Variants in MALRD1 observed in about 807,000 individuals in gnomAD.
MALRD1 encodes the protein MAM and LDL receptor class A domain containing 1, also known as MAM and LDL-receptor class A domain-containing protein 1.
In MALRD1, 247 loss-of-function variants were observed where a neutral mutation model predicts 242.1. The observed-to-expected ratio is 1.02, with a 90% CI of 0.92 to 1.13. MALRD1 has a LOEUF of 1.13. Among genes scored for constraint, MALRD1 ranks in the 50% most tolerant of loss-of-function variants. MALRD1 has a pLI of 0.00. For synonymous variants in MALRD1, 995 were observed against 866.6 expected, an observed-to-expected ratio of 1.15 and a Z score of -2.60; for missense variants, 2,989 against 2,533.1, an observed-to-expected ratio of 1.18 and a Z score of -3.86.
At chr10:19,521,076 A>G (rs1161290216) in intron 31 of MALRD1, among the ~76,000 whole-genome samples, 1 of 152,162 alleles carries the variant, frequency 6.6e-6, no homozygotes, top group Non-Finnish European at 1.5e-5. Context: ...AGTGAAAAAC[A>G]TGTGAATGAA....
chr10:19,622,401 A>G (rs1164786987), intron 36 of MALRD1, among the ~76,000 whole-genome samples: 2 of 151,740 alleles, frequency 1.3e-5, no homozygotes, highest in African/African-American at 4.8e-5. Context: ...AAATATTAGA[A>G]ATACATTTAA....
intron 11 of MALRD1, among the ~76,000 whole-genome samples, chr10:19,149,667 T>A (rs1833868182): frequency 6.6e-6 from 1 of 152,202 alleles, no homozygotes; most frequent in Non-Finnish European, 1.5e-5. Flanking sequence ...AAATACTATC[T>A]ATTTTTTTCA....
At chr10:19,149,470 T>C (rs117436017) in intron 11 of MALRD1, among the ~76,000 whole-genome samples, 1 of 152,168 alleles carries the variant, frequency 6.6e-6, no homozygotes, top group Non-Finnish European at 1.5e-5. Context: ...AGGCAACTCA[T>C]GTTAATTATG....
intron 33 of MALRD1, among the ~76,000 whole-genome samples, chr10:19,586,415 C>A (rs1016444015): frequency 2.0e-5 from 3 of 152,082 alleles, no homozygotes; most frequent in African/African-American, 7.2e-5. Flanking sequence ...GTGTGGATGT[C>A]CTTTCTGTTT....
intron 32 of MALRD1, among the ~76,000 whole-genome samples, chr10:19,559,855 A>G (rs1214608481): frequency 6.6e-6 from 1 of 152,206 alleles, no homozygotes; most frequent in African/African-American, 2.4e-5. Flanking sequence ...TTCTGAAAAG[A>G]AGACATTTAT....
chr10:19,610,048 A>G (rs1331963546), intron 35 of MALRD1, among the ~76,000 whole-genome samples: 2 of 152,002 alleles, frequency 1.3e-5, no homozygotes, highest in South Asian at 2.1e-4. Context: ...GGCAAGTACT[A>G]TGGAGCTACT....
Position 19,136,607 on chromosome 10 carries a change from A to C in MALRD1, c.1237A>C (p.Ser413Arg). ...IFEGTLLSQR[S>R]FIALDHLWVY... The stretch of plus-strand genomic sequence containing the variant: ...TGAAGGGACTCTTTTGAGCCAGAGA[A>C]GTTTTATTGCCCTTGATCACCTCTG... Residue 413 changes from serine to arginine, a missense_variant, in exon 10 of 40, where the codon AGT becomes CGT. Transcript: ENST00000454679. 1 of 1,231,644 alleles carries C rather than the reference A, an allele frequency of 8.1e-7. No individual in the cohort carries two copies. The highest frequency in any genetic ancestry group is 1.0e-6 in the Non-Finnish European group (1 of 987,932). 76.3% of individuals were successfully genotyped at this position (1,231,644 alleles called of 1,614,324 possible). A position where few individuals can be genotyped will look rare whatever the true frequency, so the allele number is the denominator to read the frequency against.
intron 1 of MALRD1, among the ~76,000 whole-genome samples, chr10:19,054,184 C>T (rs1834596632): frequency 1.3e-5 from 2 of 152,068 alleles, no homozygotes; most frequent in African/African-American, 4.8e-5. Flanking sequence ...TACATTGCTT[C>T]TGTGCTGACT....
At chr10:19,482,379 A>G (rs867532212) in intron 29 of MALRD1, among the ~76,000 whole-genome samples, 8 of 152,176 alleles carry the variant, frequency 5.3e-5, no homozygotes, top group South Asian at 2.1e-4. Context: ...AAAAAAAGTC[A>G]AACAAAAAAC....
At chr10:19,346,455 A>G (rs959162077) in intron 24 of MALRD1, among the ~76,000 whole-genome samples, 1 of 152,124 alleles carries the variant, frequency 6.6e-6, no homozygotes, top group African/African-American at 2.4e-5. Context: ...AGAGAGAAAC[A>G]TTTATCTGAA....
At chr10:19,084,400 A>G (rs768671590) in intron 2 of MALRD1, among the ~76,000 whole-genome samples, 7 of 151,726 alleles carry the variant, frequency 4.6e-5, no homozygotes, top group Non-Finnish European at 8.8e-5. Context: ...TGTTTTGATG[A>G]TCCATTCCTA....
At chr10:19,467,894 C>T (rs776592895) in intron 29 of MALRD1, among the ~76,000 whole-genome samples, 3 of 151,846 alleles carry the variant, frequency 2.0e-5, no homozygotes, top group Non-Finnish European at 2.9e-5. Context: ...CTTGGGTTCA[C>T]GTAATTCTCC....
At chr10:19,559,373 T>G (rs1420293560) in intron 32 of MALRD1, among the ~76,000 whole-genome samples, 1 of 152,102 alleles carries the variant, frequency 6.6e-6, no homozygotes, top group Non-Finnish European at 1.5e-5. Context: ...TTTTATTGAT[T>G]TCCAGTTTTT....
chr10:19,563,354 C>T (rs1056116394), intron 32 of MALRD1, among the ~76,000 whole-genome samples: 1 of 151,942 alleles, frequency 6.6e-6, no homozygotes, highest in African/African-American at 2.4e-5. Flanking sequence ...TTTTTTCTTT[C>T]TTCTTATATA....
intron 36 of MALRD1, among the ~76,000 whole-genome samples, chr10:19,661,810 G>C (rs1841453951): frequency 6.6e-6 from 1 of 151,972 alleles, no homozygotes; most frequent in Non-Finnish European, 1.5e-5. Flanking sequence ...TTTTTGTTTG[G>C]TAAAAAGGAA....
At position 19,127,925 on chromosome 10, in the gene MALRD1, G is replaced by A. The variant is rs184163958; in HGVS notation, c.944-296G>A. The stretch of plus-strand genomic sequence containing the variant: ...AAAAGAAAATGGCAATAATTTGGTG[G>A]TATAGCAATTTGTATATGTAGGTTT... On this transcript the variant is annotated intron_variant, in intron 7 of 39. Coordinates refer to ENST00000454679, the MANE Select transcript of MALRD1 (RefSeq NM_001142308.3). 8.7e-4 allele frequency among the ~76,000 whole-genome samples: 132 copies of A among 152,154 alleles called. 1 individual carries two copies. Among genetic ancestry groups the A allele is most frequent in the African/African-American group, 2.6e-3 (109 of 41,544 alleles).
At chr10:19,594,971 C>G (rs1219253673) in intron 33 of MALRD1, among the ~76,000 whole-genome samples, 1 of 151,928 alleles carries the variant, frequency 6.6e-6, no homozygotes, top group Non-Finnish European at 1.5e-5. Context: ...CCTGTTCCCC[C>G]CAAATTATTG....
intron 26 of MALRD1, among the ~76,000 whole-genome samples, chr10:19,358,015 A>G (rs1844711030): frequency 6.6e-6 from 1 of 151,974 alleles, no homozygotes. Flanking sequence ...TCTGGATGGC[A>G]ATTTTGTTAA....
intron 31 of MALRD1, among the ~76,000 whole-genome samples, chr10:19,530,380 T>TATATAATA (rs1564417143): frequency 1.3e-5 from 1 of 75,278 alleles, no homozygotes. Flanking sequence ...TTTATATAAA[T>TATATAATA]ATTATATATT....
Sources: allele counts gnomAD v4.1 joint callset (sites outside exome capture counted in the v4.1 genomes callset), GRCh38; gene constraint gnomAD v4.1.1; transcripts MANE v1.5; gene names NCBI Gene and HGNC (gene_info 2026-07-23, HGNC 2026-07-21).